Variants in NOL10 observed in about 807,000 individuals in gnomAD.
The protein encoded by NOL10 is nucleolar protein 10.
A neutral mutation model predicts 103.5 loss-of-function variants in NOL10; 58 were observed. That is an observed-to-expected ratio of 0.56 (90% CI 0.45 to 0.70). The LOEUF is 0.70. Ranked by LOEUF, NOL10 falls within the 30% of genes least tolerant of loss-of-function variation. The pLI is 0.00. For synonymous variants in NOL10, 287 were observed against 282.5 expected (o/e 1.02, Z -0.16); for missense variants, 763 against 807.3 (o/e 0.95, Z 0.67).
intron 17 of NOL10, among the ~76,000 whole-genome samples, chr2:10,595,294 C>T (rs1004702675): frequency 5.9e-5 from 9 of 151,872 alleles, no homozygotes; most frequent in African/African-American, 1.5e-4. Context: ...ACATTCCTAA[C>T]AAACCTTGGA....
At chr2:10,601,068 A>G in intron 16 of NOL10, 126 bp from the exon 17 acceptor site, 1 of 590,700 alleles carries the variant, frequency 1.7e-6, no homozygotes, top group Non-Finnish European at 2.8e-6. Context: ...TTCTTATTTT[A>G]TTATTTTTTT....
At chr2:10,679,197 TA>T (rs1215412812) in intron 3 of NOL10, among the ~76,000 whole-genome samples, 2 of 151,886 alleles carry the variant, frequency 1.3e-5, no homozygotes, top group Non-Finnish European at 2.9e-5. Context: ...CCATCTCTAC[TA>T]AAAATACAAA....
At chr2:10,667,146 TCA>T (rs1274627838) in intron 8 of NOL10, 70 bp downstream of exon 8, 15 of 1,109,932 alleles carry the variant, frequency 1.4e-5, no homozygotes, top group Admixed American at 4.0e-5. Flanking sequence ...ATCAAGCAAC[TCA>T]GTCTTTAAAT....
intron 13 of NOL10, among the ~76,000 whole-genome samples, chr2:10,629,148 A>C (rs1677677972): frequency 7.7e-6 from 1 of 130,058 alleles, no homozygotes. Flanking sequence ...AGCCTCCAAC[A>C]TCTTGAAGGG....
At chr2:10,659,066 A>G in intron 10 of NOL10, 106 bp downstream of exon 10, 1 of 787,976 alleles carries the variant, frequency 1.3e-6, no homozygotes, top group Non-Finnish European at 2.2e-6. Context: ...GGTCTGGCTA[A>G]AATAGTATGA....
At chr2:10,633,791 GTA>G (rs200847102) in intron 13 of NOL10, among the ~76,000 whole-genome samples, 6 of 125,318 alleles carry the variant, frequency 4.8e-5, no homozygotes, top group Non-Finnish European at 1.0e-4. Context: ...TTGTTTATAT[GTA>G]TGTGTGTGTG....
intron 1 of NOL10, among the ~76,000 whole-genome samples, chr2:10,687,884 T>C (rs1197096791): frequency 1.3e-5 from 2 of 152,068 alleles, no homozygotes; most frequent in South Asian, 2.1e-4. Context: ...ACCCGAGAGG[T>C]TGCAGTGAGC....
intron 16 of NOL10, among the ~76,000 whole-genome samples, chr2:10,602,120 C>T (rs1676005254): frequency 6.6e-6 from 1 of 152,184 alleles, no homozygotes. Context: ...GTTTCCAACG[C>T]TCCCAGGAAC....
intron 2 of NOL10, among the ~76,000 whole-genome samples, chr2:10,682,478 C>A (rs1681845743): frequency 1.3e-5 from 2 of 150,942 alleles, no homozygotes; most frequent in African/African-American, 4.9e-5. Context: ...TGGCTCACTG[C>A]AGCCTCAACC....
intron 6 of NOL10, among the ~76,000 whole-genome samples, chr2:10,669,416 A>G (rs373055126): frequency 9.3e-4 from 136 of 146,190 alleles, no homozygotes; most frequent in African/African-American, 3.3e-3. Flanking sequence ...ATATTTTCCC[A>G]ATTTTCTAAA....
chr2:10,645,019 T>C (rs1021606743), intron 12 of NOL10, among the ~76,000 whole-genome samples: 3 of 152,212 alleles, frequency 2.0e-5, no homozygotes, highest in Admixed American at 6.5e-5. Context: ...TCTGGACCAC[T>C]GCACTTTAAA....
chr2:10,649,883 C>CA (rs1208246437), intron 12 of NOL10, among the ~76,000 whole-genome samples: 5 of 152,156 alleles, frequency 3.3e-5, no homozygotes, highest in African/African-American at 1.2e-4. Flanking sequence ...ATTTCAGTCA[C>CA]AAAAATTTGA....
At chr2:10,590,527 G>A (rs1030606831) in intron 17 of NOL10, among the ~76,000 whole-genome samples, 2 of 152,178 alleles carry the variant, frequency 1.3e-5, no homozygotes, top group African/African-American at 4.8e-5. Context: ...GATGCAGGAA[G>A]CTGGTGATGT....
Position 10,576,497 on chromosome 2 carries a change from T to C in NOL10, c.1947+1139A>G, listed in dbSNP as rs138899433. On this transcript the variant is annotated intron_variant, in intron 20 of 20. Coordinates refer to ENST00000381685, the MANE Select transcript of NOL10 (RefSeq NM_024894.4). The stretch of plus-strand genomic sequence containing the variant: ...AACGAATGAATAGCAAAATGTGTTA[T>C]ATACGTACAATGGTATATTATTGAG... Among the ~76,000 whole-genome samples, 382 of 152,364 alleles carry C rather than the reference T, an allele frequency of 2.5e-3. 2 individuals carry two copies. The highest frequency in any genetic ancestry group is 4.8e-3 in the Non-Finnish European group (328 of 68,036).
chr2:10,662,942 A>C lies in NOL10; in HGVS notation c.677+17T>G. ...AAAGTTGATGAACATTTACATTGCA[A>C]ATTAATTTCTACTTACTCTGAATCT... is the stretch of plus-strand genomic sequence containing the variant. On this transcript the variant is annotated intron_variant, in intron 9 of 20. Transcript: ENST00000381685. The C allele has an allele frequency of 6.3e-7, 1 of 1,591,550 alleles. No homozygotes were observed. Among genetic ancestry groups the C allele is most frequent in the Non-Finnish European group, 8.6e-7 (1 of 1,160,022 alleles).
intron 13 of NOL10, among the ~76,000 whole-genome samples, chr2:10,622,508 A>T (rs1677209643): frequency 6.6e-6 from 1 of 151,374 alleles, no homozygotes; most frequent in Non-Finnish European, 1.5e-5. Flanking sequence ...GAGAGAAGAA[A>T]AAATAAACAC....
chr2:10,630,991 A>G (rs1239441751), intron 13 of NOL10, among the ~76,000 whole-genome samples: 1 of 152,242 alleles, frequency 6.6e-6, no homozygotes, highest in Non-Finnish European at 1.5e-5. Flanking sequence ...AACAAAGAGA[A>G]TATGTTGCTA....
intron 13 of NOL10, among the ~76,000 whole-genome samples, chr2:10,626,750 T>C (rs889627992): frequency 7.0e-6 from 1 of 143,256 alleles, no homozygotes; most frequent in Admixed American, 7.0e-5. Flanking sequence ...AACTAGCATC[T>C]GAATAGGAAG....
intron 20 of NOL10, among the ~76,000 whole-genome samples, chr2:10,572,739 C>A (rs2148133336): frequency 6.6e-6 from 1 of 152,246 alleles, no homozygotes; most frequent in South Asian, 2.1e-4. Context: ...CCCAAAACTC[C>A]ACTTCTCCTT....
Sources: gnomAD v4.1 joint callset for allele counts (sites outside exome capture counted in the v4.1 genomes callset) on GRCh38, gnomAD v4.1.1 for gene constraint, MANE v1.5 for transcripts, NCBI Gene and HGNC (gene_info 2026-07-23, HGNC 2026-07-21) for gene names.